The following PHF21A variants were observed in gnomAD, a reference collection of about 807,000 sequenced individuals.
PHF21A encodes the protein PHD finger protein 21A.
In PHF21A, 11 loss-of-function variants were observed where a neutral mutation model predicts 82.5. The observed-to-expected ratio is 0.13, with a 90% CI of 0.08 to 0.22. PHF21A has a LOEUF of 0.22. PHF21A is among the 10% of genes least tolerant of loss of function. The pLI, the probability that PHF21A is intolerant of heterozygous loss-of-function variation, is 1.00. For synonymous variants in PHF21A, 297 were observed against 302.8 expected, an observed-to-expected ratio of 0.98 and a Z score of 0.20; for missense variants, 579 against 837.8, an observed-to-expected ratio of 0.69 and a Z score of 3.81.
At chr11:45,980,180 G>T (rs2094217812) in intron 6 of PHF21A, among the ~76,000 whole-genome samples, 1 of 152,086 alleles carries the variant, frequency 6.6e-6, no homozygotes, top group Non-Finnish European at 1.5e-5. Context: ...TATATATAAA[G>T]GGCAACTGAG....
intron 6 of PHF21A, among the ~76,000 whole-genome samples, chr11:46,036,916 G>T (rs2096016173): frequency 6.6e-6 from 1 of 152,048 alleles, no homozygotes; most frequent in African/African-American, 2.4e-5. Context: ...TTGTTATGTT[G>T]TCCAGGCTAG....
rs147604350 is a variant in PHF21A at position 45,993,886 on chromosome 11, A to G, written c.154-13920T>C. ...GGAGCCTGTTACACCGACAGTGCCT[A>G]TCTGAGATGAATTTCCTAGAAACTG... On this transcript the variant is annotated intron_variant, in intron 6 of 18. Coordinates refer to ENST00000676320, the MANE Select transcript of PHF21A (RefSeq NM_001352027.3). Among the ~76,000 whole-genome samples, 1,072 of 152,092 alleles carry G rather than the reference A, an allele frequency of 7.0e-3. 11 individuals are homozygous for G. Among genetic ancestry groups the G allele is most frequent in the African/African-American group, 0.025 (1,020 of 41,468 alleles).
chr11:46,034,033 G>T (rs1358474442), intron 6 of PHF21A, among the ~76,000 whole-genome samples: 2 of 152,144 alleles, frequency 1.3e-5, no homozygotes, highest in Non-Finnish European at 2.9e-5. Flanking sequence ...ATTGTTGTTG[G>T]ATATTTTAAT....
At chr11:46,019,452 C>G (rs761992892) in intron 6 of PHF21A, among the ~76,000 whole-genome samples, 1 of 152,170 alleles carries the variant, frequency 6.6e-6, no homozygotes, top group Non-Finnish European at 1.5e-5. Context: ...CAGGTCCACA[C>G]AGCCCTAAGA....
intron 6 of PHF21A, among the ~76,000 whole-genome samples, chr11:46,007,551 T>A (rs1432247770): frequency 6.6e-6 from 1 of 152,164 alleles, no homozygotes; most frequent in Non-Finnish European, 1.5e-5. Flanking sequence ...TGACCTCAGG[T>A]GATTCGCCTG....
intron 6 of PHF21A, among the ~76,000 whole-genome samples, chr11:46,054,983 C>A (rs1031478009): frequency 3.9e-5 from 6 of 152,074 alleles, no homozygotes; most frequent in African/African-American, 1.2e-4. Context: ...TTTAAATGAA[C>A]CTTCATTTGC....
At chr11:46,086,193 A>G (rs946234162) in intron 3 of PHF21A, among the ~76,000 whole-genome samples, 1 of 151,336 alleles carries the variant, frequency 6.6e-6, no homozygotes, top group African/African-American at 2.4e-5. Context: ...ATCTCAGCTC[A>G]CTGCAAGCTC....
At chr11:46,022,635 A>T (rs1555106804) in intron 6 of PHF21A, among the ~76,000 whole-genome samples, 1 of 150,878 alleles carries the variant, frequency 6.6e-6, no homozygotes, top group Non-Finnish European at 1.5e-5. Flanking sequence ...GTAGTTTAAT[A>T]TTTTTTTTTA....
At chr11:45,953,683 C>T (rs934465534) in intron 10 of PHF21A, 58 bp from the exon 11 acceptor site, 1 of 1,073,526 alleles carries the variant, frequency 9.3e-7, no homozygotes, top group South Asian at 1.3e-5. Flanking sequence ...AAGGATGAAG[C>T]AATCAGAAGT....
intron 7 of PHF21A, among the ~76,000 whole-genome samples, chr11:45,974,405 G>T (rs2136157745): frequency 6.9e-6 from 1 of 144,444 alleles, no homozygotes; most frequent in Non-Finnish European, 1.5e-5. Flanking sequence ...GAGAAGAAAG[G>T]TGTCAAACGA....
intron 5 of PHF21A, among the ~76,000 whole-genome samples, chr11:46,078,291 G>A (rs901980572): frequency 6.6e-6 from 1 of 152,082 alleles, no homozygotes; most frequent in African/African-American, 2.4e-5. Flanking sequence ...ATGTGCCTCA[G>A]TACCATTCTT....
At chr11:46,019,813 G>A (rs545191358) in intron 6 of PHF21A, among the ~76,000 whole-genome samples, 154 of 152,208 alleles carry the variant, frequency 1.0e-3, no homozygotes, top group Non-Finnish European at 1.8e-3. Flanking sequence ...ACAGAAGCAA[G>A]TAAGAAATAT....
intron 15 of PHF21A, among the ~76,000 whole-genome samples, chr11:45,941,517 CATT>C (rs1334795784): frequency 6.6e-6 from 1 of 152,126 alleles, no homozygotes; most frequent in Non-Finnish European, 1.5e-5. Context: ...GGTTTAGTAT[CATT>C]ATGAAAATAG....
intron 6 of PHF21A, among the ~76,000 whole-genome samples, chr11:46,003,221 A>C (rs901454398): frequency 1.3e-5 from 2 of 152,040 alleles, no homozygotes; most frequent in African/African-American, 4.8e-5. Context: ...CACTAAAAAA[A>C]GTCCTAAAAA....
At chr11:46,105,582 C>T (rs892689536) in intron 1 of PHF21A, among the ~76,000 whole-genome samples, 1 of 151,944 alleles carries the variant, frequency 6.6e-6, no homozygotes, top group Admixed American at 6.6e-5. Context: ...TGTACAGTAC[C>T]CTTCCATCAC....
chr11:45,955,282 C>T (rs1166721358), intron 10 of PHF21A, among the ~76,000 whole-genome samples: 1 of 71,714 alleles, frequency 1.4e-5, no homozygotes, highest in African/African-American at 4.4e-5. Flanking sequence ...TTTCTCTCTC[C>T]AACACACACA....
intron 6 of PHF21A, among the ~76,000 whole-genome samples, chr11:45,986,084 A>AAAACACACACACACACACACACACACAC (rs1555050364): frequency 7.6e-6 from 1 of 132,202 alleles, no homozygotes; most frequent in Non-Finnish European, 1.6e-5. Context: ...CTTCCTTCAA[A>AAAACACACACACACACACACACACACAC]ACACACACAC....
At chr11:46,016,721 A>G (rs932583537) in intron 6 of PHF21A, among the ~76,000 whole-genome samples, 13 of 151,978 alleles carry the variant, frequency 8.6e-5, no homozygotes, top group Non-Finnish European at 2.9e-5. Flanking sequence ...ACATGGGGAG[A>G]CTAGGTCTTG....
At chr11:45,953,374 C>A (rs934326905) in intron 11 of PHF21A, among the ~76,000 whole-genome samples, 153 bp downstream of exon 11, 9 of 152,224 alleles carry the variant, frequency 5.9e-5, no homozygotes, top group African/African-American at 2.2e-4. Flanking sequence ...CTAGACCAAT[C>A]TGACTTGGCA....
Sources: allele counts gnomAD v4.1 joint callset (sites outside exome capture counted in the v4.1 genomes callset), GRCh38; gene constraint gnomAD v4.1.1; transcripts MANE v1.5; gene names NCBI Gene and HGNC (gene_info 2026-07-23, HGNC 2026-07-21).